HS6ST2: variants seen among roughly 807,000 people sequenced by gnomAD.
HS6ST2 encodes heparan sulfate 6-O-sulfotransferase 2.
HS6ST2 carries 17 observed loss-of-function variants against 33.0 expected under a neutral mutation model. The observed-to-expected ratio is 0.52, with a 90% confidence interval of 0.35 to 0.77. The LOEUF (loss-of-function observed/expected upper bound fraction) is 0.77. Among genes scored for constraint, HS6ST2 ranks in the 30% least tolerant of loss-of-function variants. The pLI is 0.01. For synonymous variants in HS6ST2, 248 were observed against 237.1 expected, an observed-to-expected ratio of 1.05 and a Z score of -0.42; for missense variants, 519 against 551.7, an observed-to-expected ratio of 0.94 and a Z score of 0.59.
intron 2 of HS6ST2, among the ~76,000 whole-genome samples, chrX:132,857,207 C>T (rs969499409): frequency 1.8e-5 from 2 of 112,225 alleles, no homozygotes; most frequent in African/African-American, 3.2e-5. Context: ...CATCCTCGGC[C>T]GGGCGCGGTG....
chrX:132,723,591 A>G (rs760263944), intron 2 of HS6ST2, among the ~76,000 whole-genome samples: 2 of 112,132 alleles, frequency 1.8e-5, no homozygotes, highest in African/African-American at 6.5e-5. Flanking sequence ...ATTTCAATTA[A>G]CGCTGAAAAC....
intron 2 of HS6ST2, among the ~76,000 whole-genome samples, chrX:132,820,206 GT>G (rs35273822): frequency 0.46 from 48,841 of 106,729 alleles, 8,998 homozygotes; most frequent in African/African-American, 0.65. Flanking sequence ...ATGCCAGACA[GT>G]TTTTTTTTTA....
rs763474943 is a variant in HS6ST2 at position 132,626,858 on chromosome X, A to G, written c.*1365T>C. ...ATAGGTACCATAGAAGTATTTTTGCATCGACTTACACTACCAAATTACTCT... is the reference window on the plus strand; with the variant it reads ...ATAGGTACCATAGAAGTATTTTTGCGTCGACTTACACTACCAAATTACTCT... On this transcript the variant is annotated 3_prime_UTR_variant, in exon 5 of 5. Coordinates refer to ENST00000370833, the MANE Select transcript of HS6ST2 (RefSeq NM_001394073.1). The G allele has an allele frequency of 1.2e-4, 14 of 112,079 alleles. No individual in the cohort carries two copies. In the South Asian group the frequency reaches 4.5e-3, roughly 36 times the overall value. 9.2% of individuals were successfully genotyped at this position (112,079 alleles called of 1,213,427 possible).
intron 2 of HS6ST2, among the ~76,000 whole-genome samples, chrX:132,722,489 G>T (rs1303657702): frequency 9.0e-6 from 1 of 111,595 alleles, no homozygotes; most frequent in African/African-American, 3.3e-5. Flanking sequence ...AAGGGATCAG[G>T]TAATTTTTAA....
In HS6ST2 at chrX:132,632,236, A is replaced by T. The variant is rs529120693; in HGVS notation, c.1068-3143T>A. Among the ~76,000 whole-genome samples, 36 of 111,083 alleles carry T rather than the reference A, an allele frequency of 3.2e-4. 1 individual carries two copies. The South Asian group carries it at 0.013, about 41-fold the overall frequency. On this transcript the variant is annotated intron_variant, in intron 4 of 4. Transcript: ENST00000370833. ...CAACAGCCCCCTTCTTCCAGGGCAA[A>T]TAGCCTTGGGGACCCAGAATGCCTC...
intron 3 of HS6ST2, among the ~76,000 whole-genome samples, chrX:132,690,185 C>T (rs1419977871): frequency 8.9e-6 from 1 of 112,211 alleles, no homozygotes; most frequent in Non-Finnish European, 1.9e-5. Flanking sequence ...TGTCACAAAA[C>T]ATTGTTCTTA....
intron 4 of HS6ST2, among the ~76,000 whole-genome samples, chrX:132,651,137 C>T (rs766563256): frequency 4.5e-5 from 5 of 112,042 alleles, no homozygotes; most frequent in Non-Finnish European, 9.4e-5. Context: ...TTCCTTTGAA[C>T]ATTAGAACAA....
In HS6ST2 at chrX:132,628,164, G is replaced by A. The variant is rs766087466; in HGVS notation, c.*59C>T. The A allele has an allele frequency of 1.4e-4, 120 of 833,951 alleles. 1 individual carries two copies. The East Asian group carries it at 3.4e-3, about 24-fold the overall frequency. 68.7% of individuals were successfully genotyped at this position (833,951 alleles called of 1,213,427 possible). On this transcript the variant is annotated 3_prime_UTR_variant, in exon 5 of 5. Coordinates refer to ENST00000370833, the MANE Select transcript of HS6ST2 (RefSeq NM_001394073.1). Reference sequence around the variant, plus strand: ...GTGTTTGGACACTTTCATCTTTTAAGCTATGCCATCTTTTCAGTGGCGCTT... The same window carrying A: ...GTGTTTGGACACTTTCATCTTTTAAACTATGCCATCTTTTCAGTGGCGCTT...
intron 2 of HS6ST2, among the ~76,000 whole-genome samples, chrX:132,903,026 T>C (rs1385395670): frequency 5.4e-5 from 6 of 111,829 alleles, no homozygotes; most frequent in African/African-American, 1.9e-4. Context: ...GCAGATGACA[T>C]GATCTTGTAT....
intron 2 of HS6ST2, among the ~76,000 whole-genome samples, chrX:132,856,593 C>G (rs2065854140): frequency 9.0e-6 from 1 of 111,234 alleles, no homozygotes; most frequent in African/African-American, 3.3e-5. Flanking sequence ...TCAATAATGA[C>G]CAAATGCTGC....
chrX:132,881,059 C>T (rs1569500339), intron 2 of HS6ST2, among the ~76,000 whole-genome samples: 1 of 110,725 alleles, frequency 9.0e-6, no homozygotes, highest in Non-Finnish European at 1.9e-5. Flanking sequence ...CAAGTCTTTG[C>T]TATTGTGAAT....
At chrX:132,654,267 A>G (rs767958724) in intron 4 of HS6ST2, among the ~76,000 whole-genome samples, 16 of 111,667 alleles carry the variant, frequency 1.4e-4, no homozygotes, top group African/African-American at 4.5e-4. Flanking sequence ...TGAGATATAT[A>G]CATTAAATAT....
intron 2 of HS6ST2, among the ~76,000 whole-genome samples, chrX:132,949,217 C>T (rs1439382517): frequency 4.6e-5 from 5 of 108,447 alleles, no homozygotes; most frequent in Non-Finnish European, 9.5e-5. Flanking sequence ...TTTAACTCTT[C>T]CAGCCAGACC....
chrX:132,693,599 T>C (rs1003697903), intron 3 of HS6ST2, among the ~76,000 whole-genome samples: 9 of 111,357 alleles, frequency 8.1e-5, no homozygotes, highest in African/African-American at 2.9e-4. Context: ...TCAGTTAAAA[T>C]TATTAGGGAA....
intron 2 of HS6ST2, among the ~76,000 whole-genome samples, chrX:132,882,841 G>A (rs1287867044): frequency 9.0e-6 from 1 of 111,640 alleles, no homozygotes; most frequent in East Asian, 2.8e-4. Flanking sequence ...ATGAAGGGCT[G>A]TTGAATTTTG....
chrX:132,674,072 A>C (rs145345519), intron 3 of HS6ST2, among the ~76,000 whole-genome samples: 2,055 of 111,536 alleles, frequency 0.018, 18 homozygotes, highest in Middle Eastern at 0.033. Context: ...TGCCCCTTTA[A>C]GTATCTTACG....
intron 4 of HS6ST2, among the ~76,000 whole-genome samples, chrX:132,646,748 T>C (rs960816755): frequency 2.7e-5 from 3 of 110,427 alleles, no homozygotes; most frequent in Non-Finnish European, 5.7e-5. Context: ...CCCATGCTGC[T>C]GATAAAGACA....
chrX:132,713,350 C>A (rs1602601645), intron 2 of HS6ST2, among the ~76,000 whole-genome samples: 1 of 111,648 alleles, frequency 9.0e-6, no homozygotes, highest in East Asian at 2.8e-4. Context: ...GGAGGAAGAC[C>A]AATCAGAGAA....
chrX:132,665,386 T>C (rs1159732851), intron 4 of HS6ST2, among the ~76,000 whole-genome samples: 1 of 111,966 alleles, frequency 8.9e-6, no homozygotes, highest in Non-Finnish European at 1.9e-5. Flanking sequence ...TGCCCTCTGC[T>C]AGTAGCTAGG....
Sources: allele counts gnomAD v4.1 joint callset (sites outside exome capture counted in the v4.1 genomes callset), GRCh38; gene constraint gnomAD v4.1.1; transcripts MANE v1.5; gene names NCBI Gene and HGNC (gene_info 2026-07-23, HGNC 2026-07-21).